FBXL18: variants seen among roughly 807,000 people sequenced by gnomAD.
The protein encoded by FBXL18 is F-box/LRR-repeat protein 18.
In FBXL18, 36 loss-of-function variants were observed where a neutral mutation model predicts 46.0. The ratio of observed to expected loss-of-function variants is 0.78; its 90% confidence interval spans 0.60 to 1.03. The LOEUF is 1.03. Ranked by LOEUF, FBXL18 falls within the 50% of genes least tolerant of loss-of-function variation. The probability of loss-of-function intolerance (pLI) is 0.00; values close to 1 mark genes in which losing one functional copy is unlikely to be tolerated. For missense variants in FBXL18, 977 were observed against 1,004.1 expected (o/e 0.97, Z 0.36); for synonymous variants, 557 against 465.3 (o/e 1.20, Z -2.54).
At chr7:5,465,787 C>G (rs1332839620) in intron 4 of FBXL18, among the ~76,000 whole-genome samples, 2 of 151,734 alleles carry the variant, frequency 1.3e-5, no homozygotes, top group African/African-American at 4.8e-5. Flanking sequence ...TACAATACAC[C>G]CATGTACAAA....
chr7:5,478,774 ACACACAGGCACACGTG>A lies in FBXL18; in HGVS notation c.*2985_*3000del, dbSNP rs996895403. On this transcript the variant is annotated 3_prime_UTR_variant, in exon 5 of 5. Transcript: ENST00000382368. ...GGCACAGGTACACGCAGGCACATGT[ACACACAGGCACACGTG>A]CACGCAGGCACACGCATGCAGGCAC... The A allele has an allele frequency of 4.0e-5, 6 of 151,348 alleles. No individual in the cohort carries two copies. The highest frequency in any genetic ancestry group is 5.9e-5 in the Non-Finnish European group (4 of 67,794). 9.4% of individuals were successfully genotyped at this position (151,348 alleles called of 1,614,324 possible).
At chr7:5,498,112 A>T (rs6463486) in intron 3 of FBXL18, among the ~76,000 whole-genome samples, 265 of 144,132 alleles carry the variant, frequency 1.8e-3, no homozygotes, top group African/African-American at 6.5e-3. Context: ...ACCGAGTCTC[A>T]CTCTGTCACC....
At chr7:5,458,051 G>A (rs548955781) in intron 4 of FBXL18, among the ~76,000 whole-genome samples, 1 of 151,564 alleles carries the variant, frequency 6.6e-6, no homozygotes, top group East Asian at 2.0e-4. Flanking sequence ...TCTTCCAGAG[G>A]AGAATTGTTC....
At chr7:5,462,993 T>TAA (rs1783277498) in intron 4 of FBXL18, among the ~76,000 whole-genome samples, 1 of 44,484 alleles carries the variant, frequency 2.2e-5, no homozygotes, top group African/African-American at 6.8e-5. Context: ...TATATATATA[T>TAA]ATAATATATA....
At chr7:5,513,627 A>G (rs748858904) in intron 1 of FBXL18, 30 bp downstream of exon 1, 1 of 1,612,086 alleles carries the variant, frequency 6.2e-7, no homozygotes, top group Non-Finnish European at 8.5e-7. Context: ...GCCGAGGCAG[A>G]AGCAGAGCGG....
In FBXL18 at chr7:5,501,284, C is replaced by T; in HGVS notation, c.985G>A (p.Gly329Ser). The T allele has an allele frequency of 6.2e-7, 1 of 1,614,114 alleles. No homozygotes were observed. ...TTGATGACCTGCTGGATCAGATGGC[C>T]GCCTGACAGGGTACAGCGGCTGAAA... ...FSFSRCTLSG[G>S]HLIQQVINGG... The change falls in exon 3 of 5, where the codon GGC becomes AGC. Residue 329 changes from glycine (G) to serine (S), a missense_variant. Gly to Ser is a moderately conservative substitution (Grantham distance 56). Transcript: ENST00000382368.
chr7:5,499,442 G>A (rs1455376319), intron 3 of FBXL18, among the ~76,000 whole-genome samples: 3 of 152,082 alleles, frequency 2.0e-5, no homozygotes, highest in Non-Finnish European at 4.4e-5. Flanking sequence ...GAAAGCATCT[G>A]CCTTGCCAGG....
At chr7:5,466,145 T>C (rs1469514036) in intron 4 of FBXL18, among the ~76,000 whole-genome samples, 4 of 142,344 alleles carry the variant, frequency 2.8e-5, no homozygotes, top group African/African-American at 1.0e-4. Flanking sequence ...AAAAAACAAG[T>C]CTGGTAAAAG....
intron 4 of FBXL18, among the ~76,000 whole-genome samples, chr7:5,459,061 G>C (rs1304744403): frequency 6.6e-6 from 1 of 152,200 alleles, no homozygotes; most frequent in Non-Finnish European, 1.5e-5. Context: ...GCTGAGGGTA[G>C]AGGACTGCCT....
At position 5,498,111 on chromosome 7, in the gene FBXL18, C is replaced by T. The variant is rs1349699368; in HGVS notation, c.1781+2377G>A. 3.9e-4 allele frequency among the ~76,000 whole-genome samples: 55 copies of T among 141,834 alleles called. 1 individual carries two copies. The highest frequency in any genetic ancestry group is 1.4e-3 in the African/African-American group (54 of 37,740). The allele number at this position is 141,834 out of a possible 152,430, so 93.0% of individuals were successfully genotyped here. A position where few individuals can be genotyped will look rare whatever the true frequency, so the allele number is the denominator to read the frequency against. ...TTTTTTTTTTTTTGAGACCGAGTCT[C>T]ACTCTGTCACCCATGCTGGAGTGCA... On this transcript the variant is annotated intron_variant, in intron 3 of 4. Coordinates refer to ENST00000382368, the MANE Select transcript of FBXL18 (RefSeq NM_024963.6).
chr7:5,495,948 G>A (rs1188494583), intron 3 of FBXL18: 1 of 465,656 alleles, frequency 2.1e-6, no homozygotes, highest in Non-Finnish European at 4.5e-6. Flanking sequence ...TTATGAGCAG[G>A]GTCGGTCTCT....
At chr7:5,471,841 G>A (rs559145187), downstream of FBXL18, among the ~76,000 whole-genome samples, 3 of 152,328 alleles carry the variant, frequency 2.0e-5, no homozygotes, top group African/African-American at 7.2e-5. Context: ...GGCCAGGCGC[G>A]GTGGCTCACG....
chr7:5,473,302 G>A (rs1006322522), downstream of FBXL18, among the ~76,000 whole-genome samples: 4 of 152,076 alleles, frequency 2.6e-5, no homozygotes, highest in Admixed American at 6.6e-5. Context: ...TGGCCGCTCC[G>A]TTCTGCAGCA....
In FBXL18 at chr7:5,455,957, C is replaced by T. The variant is rs569630895; in HGVS notation, c.2001-8114G>A. On this transcript the variant is annotated intron_variant and NMD_transcript_variant, in intron 4 of 6. Transcript: ENST00000415009. The surrounding 1 kb of genome is among the most constrained non-coding windows in gnomAD (Gnocchi z 4.6). ...AGTCTAACAGCTCCCTGCCGCATTT[C>T]GTTCCCTCTGTGCTCCTTCCCCAGT... Among the ~76,000 whole-genome samples the T allele has an allele frequency of 2.6e-5, 4 of 152,142 alleles. No homozygotes were observed. The highest frequency in any genetic ancestry group is 4.4e-5 in the Non-Finnish European group (3 of 68,022).
intron 4 of FBXL18, among the ~76,000 whole-genome samples, chr7:5,486,850 C>A (rs111592983): frequency 6.6e-5 from 10 of 152,196 alleles, no homozygotes; most frequent in African/African-American, 2.4e-4. Flanking sequence ...CGGTTGAGAC[C>A]CCAGGCCACC....
chr7:5,502,899 C>T (rs1784303629), intron 2 of FBXL18, among the ~76,000 whole-genome samples: 1 of 152,020 alleles, frequency 6.6e-6, no homozygotes, highest in Non-Finnish European at 1.5e-5. Context: ...ACCACATGAG[C>T]CAGCAACTTC....
chr7:5,471,801 G>A (rs191421915), downstream of FBXL18, among the ~76,000 whole-genome samples: 75 of 152,314 alleles, frequency 4.9e-4, 1 homozygote, highest in East Asian at 0.012. Flanking sequence ...CCTCCCTGGC[G>A]TAGTGCCCCC....
At chr7:5,498,104 C>T (rs1301801382) in intron 3 of FBXL18, among the ~76,000 whole-genome samples, 4 of 145,144 alleles carry the variant, frequency 2.8e-5, no homozygotes, top group Non-Finnish European at 6.0e-5. Flanking sequence ...TTTTTGAGAC[C>T]GAGTCTCACT....
At chr7:5,472,209 G>A (rs1417140769), downstream of FBXL18, among the ~76,000 whole-genome samples, 1 of 152,076 alleles carries the variant, frequency 6.6e-6, no homozygotes, top group Non-Finnish European at 1.5e-5. Flanking sequence ...GCAAGGCCAA[G>A]GCCAACACCA....
Sources: allele counts gnomAD v4.1 joint callset (sites outside exome capture counted in the v4.1 genomes callset), GRCh38; gene constraint gnomAD v4.1.1; non-coding constraint Gnocchi (gnomAD v3.1); transcripts MANE v1.5; gene names NCBI Gene and HGNC (gene_info 2026-07-23, HGNC 2026-07-21).